VPS39: variants seen among roughly 807,000 people sequenced by gnomAD.
The protein encoded by VPS39 is VPS39 subunit of HOPS complex.
In VPS39, 70 loss-of-function variants were observed where a neutral mutation model predicts 121.0. That is an observed-to-expected ratio of 0.58 (90% CI 0.48 to 0.71). The LOEUF is 0.71. VPS39 is among the 30% of genes least tolerant of loss of function. VPS39 has a pLI of 0.00. For missense variants in VPS39, 818 were observed against 1,051.5 expected (o/e 0.78, Z 3.07); for synonymous variants, 378 against 398.1 (o/e 0.95, Z 0.60).
intron 5 of VPS39, 28 bp downstream of exon 5, chr15:42,189,086 A>G (rs985321342): frequency 6.4e-7 from 1 of 1,565,082 alleles, no homozygotes; most frequent in African/African-American, 1.4e-5. Flanking sequence ...TAAAGCATAA[A>G]GCCAAATTTC....
At chr15:42,185,178 C>CT (rs34792839) in intron 7 of VPS39, among the ~76,000 whole-genome samples, 14,332 of 136,206 alleles carry the variant, frequency 0.11, 1,117 homozygotes, top group African/African-American at 0.18. Context: ...TTGAAAACAA[C>CT]TTTTTTTTTT....
intron 24 of VPS39, chr15:42,161,065 A>G: frequency 1.9e-6 from 1 of 516,500 alleles, no homozygotes; most frequent in South Asian, 2.5e-5. Context: ...GTATTTTTTT[A>G]TTATGCAAAA....
At chr15:42,174,074 C>T (rs984019942) in intron 10 of VPS39, among the ~76,000 whole-genome samples, 2 of 152,088 alleles carry the variant, frequency 1.3e-5, no homozygotes, top group African/African-American at 2.4e-5. Flanking sequence ...GGTGAAACCC[C>T]GTCTCTACTA....
rs138720806 is a variant in VPS39 at position 42,175,386 on chromosome 15, G to C, written c.961-1534C>G. Among the ~76,000 whole-genome samples, 434 of 146,762 alleles carry C rather than the reference G, an allele frequency of 3.0e-3. 1 individual carries two copies. The highest frequency in any genetic ancestry group is 5.2e-3 in the Non-Finnish European group (352 of 67,230). ...TTGCACCACTGCACTCCAGCCTGGC[G>C]ATAGAGGAAGACTCTGTCTCGGGAA... On this transcript the variant is annotated intron_variant, in intron 10 of 24. Coordinates refer to ENST00000318006, the MANE Select transcript of VPS39 (RefSeq NM_015289.5).
rs1408162689 is a variant in VPS39 at position 42,164,256 on chromosome 15, C to T, written c.2026+102G>A. On this transcript the variant is annotated intron_variant, in intron 19 of 24. Coordinates refer to ENST00000318006, the MANE Select transcript of VPS39 (RefSeq NM_015289.5). ...ACTGGCCTGAAATGCCTGGTTTTTC[C>T]AGGCCCAACTTTTGTGGAGAGTTGG... 4 of 1,530,096 alleles carry T rather than the reference C, an allele frequency of 2.6e-6. No homozygotes were observed. In the African/African-American group the frequency reaches 5.5e-5, roughly 21 times the overall value. The allele number at this position is 1,530,096 out of a possible 1,614,324, so 94.8% of individuals were successfully genotyped here.
intron 3 of VPS39, 118 bp from the exon 4 acceptor site, chr15:42,191,285 C>T (rs1261723644): frequency 7.9e-7 from 1 of 1,261,278 alleles, no homozygotes; most frequent in East Asian, 2.4e-5. Flanking sequence ...AGGGATCTCA[C>T]TGATTTTTCT....
chr15:42,161,632 TG>T, intron 24 of VPS39, 49 bp downstream of exon 24: 1 of 1,583,862 alleles, frequency 6.3e-7, no homozygotes, highest in Non-Finnish European at 8.7e-7. Context: ...TCTCCACCCC[TG>T]GGAACCTCCA....
chr15:42,162,174 C>G lies in VPS39; in HGVS notation c.2326-8G>C, dbSNP rs757447447. The G allele has an allele frequency of 2.5e-6, 4 of 1,614,098 alleles. No individual in the cohort carries two copies. Among genetic ancestry groups the G allele is most frequent in the South Asian group, 1.1e-5 (1 of 91,080 alleles). On this transcript the variant is annotated splice_polypyrimidine_tract_variant and splice_region_variant and intron_variant, in intron 22 of 24. Transcript: ENST00000318006. Reference sequence around the variant, plus strand: ...TGGCAGAAGGTTGAGGGCCTAGGGACAGGAACAGAGATAGGGACTGGGTGA... The same window carrying G: ...TGGCAGAAGGTTGAGGGCCTAGGGAGAGGAACAGAGATAGGGACTGGGTGA...
intron 8 of VPS39, 194 bp from the exon 9 acceptor site, chr15:42,178,764 A>G (rs1361006649): frequency 1.4e-6 from 1 of 722,352 alleles, no homozygotes; most frequent in Non-Finnish European, 2.1e-6. Context: ...GCAACTTGAG[A>G]GGTTGAGGTG....
intron 2 of VPS39, chr15:42,199,682 A>C (rs1306418571): frequency 5.4e-6 from 3 of 551,092 alleles, no homozygotes; most frequent in Non-Finnish European, 9.7e-6. Flanking sequence ...GTAATAAGTA[A>C]ACCAGCAATT....
chr15:42,198,857 A>G (rs2050003291), intron 2 of VPS39, among the ~76,000 whole-genome samples: 1 of 152,246 alleles, frequency 6.6e-6, no homozygotes. Flanking sequence ...GGACCTTTTC[A>G]GAACAAGTTT....
rs183340542 is a variant in VPS39, at chr15:42,178,925, T to G, written c.719-355A>C. On this transcript the variant is annotated intron_variant, in intron 8 of 24. Transcript: ENST00000318006. ...AGGAGGCTGAGGTGGGAAGATCATTTAAGCCCAGGAGTTTGAGGCTGCAAT... is the reference window on the plus strand; with the variant it reads ...AGGAGGCTGAGGTGGGAAGATCATTGAAGCCCAGGAGTTTGAGGCTGCAAT... 4.9e-4 allele frequency: 98 copies of G among 197,988 alleles called. No homozygotes were observed. In the East Asian group the frequency reaches 8.8e-3, roughly 18 times the overall value. 12.3% of individuals were successfully genotyped at this position (197,988 alleles called of 1,614,324 possible).
Position 42,187,327 on chromosome 15 carries a change from C to A in VPS39, c.478G>T (p.Ala160Ser), listed in dbSNP as rs1040973955. 1.2e-6 allele frequency: 2 copies of A among 1,613,716 alleles called. No individual in the cohort carries two copies. Among genetic ancestry groups the A allele is most frequent in the African/African-American group, 1.3e-5 (1 of 74,996 alleles). ...FSVPDVPKSM[A>S]WCENSICVGF... is the part of the protein sequence containing the mutation. ...ACACAGATAGAATTTTCACACCACG[C>A]CATGGACTTGGGCACATCTGGCACA... Residue 160 changes from alanine (A) to serine (S), a missense_variant, in exon 7 of 25, where the codon GCG (alanine) becomes TCG (serine). Transcript: ENST00000318006.
Position 42,166,760 on chromosome 15 carries a change from C to A in VPS39, c.1519+12G>T. 6.2e-7 allele frequency: 1 copy of A among 1,613,602 alleles called. No individual in the cohort carries two copies. Reference sequence around the variant, plus strand: ...AAGAGCCCCTCCCAGATCCAAGGAACCACTCCCACACCTTTCTCGTGGAGC... The same window carrying A: ...AAGAGCCCCTCCCAGATCCAAGGAAACACTCCCACACCTTTCTCGTGGAGC... On this transcript the variant is annotated intron_variant, in intron 14 of 24. Coordinates refer to ENST00000318006, the MANE Select transcript of VPS39 (RefSeq NM_015289.5).
In VPS39 at chr15:42,164,774, G is replaced by A. The variant is rs184124575; in HGVS notation, c.1897+222C>T. The A allele has an allele frequency of 1.4e-4, 200 of 1,428,984 alleles. No individual in the cohort carries two copies. In the African/African-American group the frequency reaches 2.1e-3, roughly 15 times the overall value. The allele number at this position is 1,428,984 out of a possible 1,614,324, so 88.5% of individuals were successfully genotyped here. A position where few individuals can be genotyped will look rare whatever the true frequency, so the allele number is the denominator to read the frequency against. On this transcript the variant is annotated intron_variant, in intron 18 of 24. Coordinates refer to ENST00000318006, the MANE Select transcript of VPS39 (RefSeq NM_015289.5). The stretch of plus-strand genomic sequence containing the variant: ...CAGGTCTGTTCCTTCCACCCTCCCC[G>A]AGGGATGACTCTGAGACACTCAGAG...
chr15:42,186,328 C>T (rs371162613), intron 7 of VPS39, among the ~76,000 whole-genome samples: 2 of 151,860 alleles, frequency 1.3e-5, no homozygotes, highest in African/African-American at 2.4e-5. Flanking sequence ...GGCATCTGGG[C>T]TACCTGGGAG....
chr15:42,189,701 C>G (rs563313447), intron 4 of VPS39, among the ~76,000 whole-genome samples: 10 of 124,192 alleles, frequency 8.1e-5, no homozygotes, highest in African/African-American at 2.6e-4. Context: ...TACACTCCAG[C>G]CTGGGCGACA....
chr15:42,196,620 T>A (rs926625238), intron 2 of VPS39, among the ~76,000 whole-genome samples: 12 of 152,046 alleles, frequency 7.9e-5, no homozygotes, highest in African/African-American at 2.9e-4. Context: ...AAAACCACAA[T>A]GAGATACCAT....
intron 10 of VPS39, among the ~76,000 whole-genome samples, chr15:42,174,196 A>G (rs775829569): frequency 2.0e-5 from 3 of 152,094 alleles, no homozygotes; most frequent in Non-Finnish European, 4.4e-5. Context: ...GCAGTGGGCC[A>G]AGATCATGCC....
Sources: gnomAD v4.1 joint callset for allele counts (sites outside exome capture counted in the v4.1 genomes callset) on GRCh38, gnomAD v4.1.1 for gene constraint, MANE v1.5 for transcripts, NCBI Gene and HGNC (gene_info 2026-07-23, HGNC 2026-07-21) for gene names.